TRAPPC11: variants seen among roughly 807,000 people sequenced by gnomAD.
TRAPPC11 encodes trafficking protein particle complex subunit 11, also known as foie gras homolog.
Under a neutral mutation model 151.2 loss-of-function variants are expected in TRAPPC11, and 104 were observed. The observed-to-expected ratio is 0.69, with a 90% confidence interval of 0.59 to 0.81. The LOEUF (loss-of-function observed/expected upper bound fraction) is 0.81. TRAPPC11 is among the 30% of genes least tolerant of loss of function. The pLI is 0.00. For missense variants in TRAPPC11, 1,230 were observed against 1,349.6 expected (o/e 0.91, Z 1.39); for synonymous variants, 456 against 472.3 (o/e 0.97, Z 0.45).
At chr4:183,696,739 A>G (rs191465009) in intron 23 of TRAPPC11, among the ~76,000 whole-genome samples, 1 of 152,280 alleles carries the variant, frequency 6.6e-6, no homozygotes, top group African/African-American at 2.4e-5. Flanking sequence ...GAGATGTAGC[A>G]TGTTGGTTAA....
In TRAPPC11 at chr4:183,664,004, C is replaced by A. The variant is rs781437244; in HGVS notation, c.137C>A (p.Ala46Asp). Residue 46 changes from alanine (A) to aspartate (D), a missense_variant, in exon 2 of 30, where the codon GCT becomes GAT. Physicochemically the swap from Ala to Asp is moderately radical, Grantham distance 126. Coordinates refer to ENST00000334690, the MANE Select transcript of TRAPPC11 (RefSeq NM_021942.6). ...GACGCCTTCTGTGCAAATCGGAGAGCTGATCGAGTACCAATTTCTTTCAAG... is the reference window on the plus strand; with the variant it reads ...GACGCCTTCTGTGCAAATCGGAGAGATGATCGAGTACCAATTTCTTTCAAG... ...VWDAFCANRR[A>D]DRVPISFKVL... 2 of 1,614,020 alleles carry A rather than the reference C, an allele frequency of 1.2e-6. No individual in the cohort carries two copies. The highest frequency in any genetic ancestry group is 1.1e-5 in the South Asian group (1 of 91,074).
chr4:183,712,545 C>T, intron 29 of TRAPPC11, 55 bp from the exon 30 acceptor site: 3 of 1,517,852 alleles, frequency 2.0e-6, no homozygotes, highest in Non-Finnish European at 2.7e-6. Flanking sequence ...GTTAATAGAG[C>T]TTTTGTTATT....
Position 183,666,818 on chromosome 4 carries a change from ATACAT to A in TRAPPC11, c.375-239_375-235del, listed in dbSNP as rs1362955345. ...TGCATTATAACTTTTACGTAAAAGT[ATACAT>A]TAATCTTTTGCTTTTAAGGAAGATT... On this transcript the variant is annotated intron_variant, in intron 3 of 29. Transcript: ENST00000334690. 5 of 462,462 alleles carry A rather than the reference ATACAT, an allele frequency of 1.1e-5. No individual in the cohort carries two copies. In the Admixed American group the frequency reaches 1.1e-4, roughly 10 times the overall value. The allele number at this position is 462,462 out of a possible 1,614,324, so 28.6% of individuals were successfully genotyped here.
At chr4:183,690,968 G>A (rs1405781848) in intron 18 of TRAPPC11, among the ~76,000 whole-genome samples, 2 of 152,084 alleles carry the variant, frequency 1.3e-5, no homozygotes, top group Admixed American at 1.3e-4. Flanking sequence ...AACCAAGCAG[G>A]ATGAGAAACA....
rs909961107 is a variant in TRAPPC11, at chr4:183,692,834, C to T, written c.2050-126C>T. 6 of 785,042 alleles carry T rather than the reference C, an allele frequency of 7.6e-6. No individual in the cohort carries two copies. The African/African-American group carries it at 1.1e-4, about 14-fold the overall frequency. 48.6% of individuals were successfully genotyped at this position (785,042 alleles called of 1,614,324 possible). On this transcript the variant is annotated intron_variant, in intron 19 of 29. Coordinates refer to ENST00000334690, the MANE Select transcript of TRAPPC11 (RefSeq NM_021942.6). ...CCTCTAATAGCAGGTGTTCTCACTTCTGTCACACTGGGGGTCTCTAGATGA... is the reference window on the plus strand; with the variant it reads ...CCTCTAATAGCAGGTGTTCTCACTTTTGTCACACTGGGGGTCTCTAGATGA...
intron 29 of TRAPPC11, among the ~76,000 whole-genome samples, chr4:183,709,250 CT>C (rs1167684622): frequency 1.3e-5 from 2 of 152,164 alleles, no homozygotes; most frequent in East Asian, 3.9e-4. Flanking sequence ...AGTTTCTACC[CT>C]CATTTGGAAT....
intron 25 of TRAPPC11, among the ~76,000 whole-genome samples, chr4:183,699,188 C>T (rs961926312): frequency 3.3e-5 from 5 of 152,174 alleles, no homozygotes; most frequent in African/African-American, 1.2e-4. Context: ...TTAGGGCATT[C>T]ATCCAACATT....
intron 28 of TRAPPC11, 71 bp downstream of exon 28, chr4:183,707,011 GT>G: frequency 6.4e-7 from 1 of 1,550,392 alleles, no homozygotes; most frequent in Non-Finnish European, 8.7e-7. Flanking sequence ...TGTACCTTTA[GT>G]TTTTATGAAT....
intron 1 of TRAPPC11, among the ~76,000 whole-genome samples, chr4:183,660,240 C>T (rs1284660936): frequency 3.3e-5 from 5 of 152,190 alleles, no homozygotes; most frequent in African/African-American, 1.2e-4. Context: ...AATTTTCGTG[C>T]AGCAATTTTG....
Position 183,712,767 on chromosome 4 carries a change from T to A in TRAPPC11, c.*123T>A. The A allele has an allele frequency of 1.1e-6, 1 of 882,982 alleles. No homozygotes were observed. Among genetic ancestry groups the A allele is most frequent in the Non-Finnish European group, 1.8e-6 (1 of 550,024 alleles). 54.7% of individuals were successfully genotyped at this position (882,982 alleles called of 1,614,324 possible). ...AACCTTTTCTATTTTTTAATGGATG[T>A]TATACCAACTATTCAGAGGAACTCA... is the stretch of plus-strand genomic sequence containing the variant. On this transcript the variant is annotated 3_prime_UTR_variant, in exon 30 of 30. Coordinates refer to ENST00000334690, the MANE Select transcript of TRAPPC11 (RefSeq NM_021942.6).
At position 183,706,872 on chromosome 4, in the gene TRAPPC11, G is replaced by A. The variant is rs1353717821; in HGVS notation, c.3121G>A (p.Asp1041Asn). 3.1e-6 allele frequency: 5 copies of A among 1,613,986 alleles called. No individual in the cohort carries two copies. Among genetic ancestry groups the A allele is most frequent in the South Asian group, 2.2e-5 (2 of 91,072 alleles). Residue 1041 changes from aspartate to asparagine, a missense_variant, in exon 28 of 30, where the codon GAC becomes AAC. By Grantham distance (23) the Asp-to-Asn change is conservative. Transcript: ENST00000334690. ...CAAGTATCACCTACAGAATAAGACC[G>A]ACTTAGTTCAAGATGTAGAAATTTC... ...PVKYHLQNKT[D>N]LVQDVEISVE...
chr4:183,682,639 A>G (rs912503769), intron 10 of TRAPPC11, 93 bp from the exon 11 acceptor site: 15 of 596,510 alleles, frequency 2.5e-5, no homozygotes, highest in Non-Finnish European at 3.6e-5. Context: ...GGTTGTATTT[A>G]TGAAAACTTT....
chr4:183,661,599 C>CGT (rs1734546337), intron 1 of TRAPPC11, among the ~76,000 whole-genome samples: 9 of 151,260 alleles, frequency 6.0e-5, no homozygotes, highest in South Asian at 2.1e-4. Context: ...TCTCGATCTC[C>CGT]TGACCTTGTG....
intron 17 of TRAPPC11, 39 bp from the exon 18 acceptor site, chr4:183,686,579 C>G: frequency 1.2e-6 from 2 of 1,607,508 alleles, no homozygotes; most frequent in Non-Finnish European, 1.7e-6. Flanking sequence ...TCGTGGGTAT[C>G]TGGTTGTGCA....
intron 25 of TRAPPC11, among the ~76,000 whole-genome samples, chr4:183,698,450 C>T (rs1176679001): frequency 6.6e-6 from 1 of 151,448 alleles, no homozygotes; most frequent in African/African-American, 2.4e-5. Context: ...TCCCTTTTTC[C>T]TTATTGTCCT....
intron 3 of TRAPPC11, 25 bp downstream of exon 3, chr4:183,666,451 C>CT: frequency 6.2e-7 from 1 of 1,606,894 alleles, no homozygotes; most frequent in Non-Finnish European, 8.5e-7. Flanking sequence ...GTCAGGGCAG[C>CT]TATGTCAGTT....
rs73872657 is a variant in TRAPPC11 at position 183,675,178 on chromosome 4, G to T, written c.675G>T (p.Arg225Ser). The T allele has an allele frequency of 1.3e-6, 2 of 1,513,036 alleles. No homozygotes were observed. Among genetic ancestry groups the T allele is most frequent in the Non-Finnish European group, 1.8e-6 (2 of 1,127,866 alleles). 93.7% of individuals were successfully genotyped at this position (1,513,036 alleles called of 1,614,324 possible). A position where few individuals can be genotyped will look rare whatever the true frequency, so the allele number is the denominator to read the frequency against. The change falls in exon 7 of 30, where the codon AGG (arginine) becomes AGT (serine). Residue 225 changes from arginine to serine, a missense_variant. Arg to Ser is a moderately radical substitution (Grantham distance 110, BLOSUM62 -1). Coordinates refer to ENST00000334690, the MANE Select transcript of TRAPPC11 (RefSeq NM_021942.6). ...NKTTHQLLFV[R>S]HQFKIAFFSE... ...TCTCTTTTTAGCTTTTATTTGTTAG[G>T]CATCAGTTCAAAATAGCTTTCTTCA...
chr4:183,690,780 C>G, intron 18 of TRAPPC11, among the ~76,000 whole-genome samples: 1 of 152,102 alleles, frequency 6.6e-6, no homozygotes, highest in East Asian at 1.9e-4. Context: ...CCAGCTTGGG[C>G]AACGTAGTGA....
At chr4:183,670,034 G>A (rs1735075344) in intron 5 of TRAPPC11, among the ~76,000 whole-genome samples, 1 of 152,206 alleles carries the variant, frequency 6.6e-6, no homozygotes, top group Non-Finnish European at 1.5e-5. Flanking sequence ...TTGGAGATGA[G>A]GAAACTCATA....
Sources: gnomAD v4.1 joint callset for allele counts (sites outside exome capture counted in the v4.1 genomes callset) on GRCh38, gnomAD v4.1.1 for gene constraint, MANE v1.5 for transcripts, NCBI Gene and HGNC (gene_info 2026-07-23, HGNC 2026-07-21) for gene names.